TTC7B: variants seen among roughly 807,000 people sequenced by gnomAD.
TTC7B encodes the protein tetratricopeptide repeat protein 7B.
TTC7B carries 28 observed loss-of-function variants against 106.8 expected under a neutral mutation model. The ratio of observed to expected loss-of-function variants is 0.26; its 90% confidence interval spans 0.19 to 0.36. The LOEUF (loss-of-function observed/expected upper bound fraction) is 0.36. TTC7B is among the 10% of genes least tolerant of loss of function. The pLI, the probability that TTC7B is intolerant of heterozygous loss-of-function variation, is 1.00. For missense variants in TTC7B, 862 were observed against 1,076.4 expected, an observed-to-expected ratio of 0.80 and a Z score of 2.79; for synonymous variants, 405 against 430.6, an observed-to-expected ratio of 0.94 and a Z score of 0.74.
chr14:90,799,628 C>A (rs1207549202), intron 1 of TTC7B, among the ~76,000 whole-genome samples: 1 of 152,008 alleles, frequency 6.6e-6, no homozygotes, highest in Non-Finnish European at 1.5e-5. Context: ...CTGGAAAGGC[C>A]CCGAGGTGTG....
At chr14:90,560,100 C>T (rs1030788624) in intron 19 of TTC7B, among the ~76,000 whole-genome samples, 6 of 152,240 alleles carry the variant, frequency 3.9e-5, no homozygotes, top group Admixed American at 1.3e-4. Flanking sequence ...TGCCAATGTC[C>T]GGTGCTCTCC....
intron 4 of TTC7B, among the ~76,000 whole-genome samples, chr14:90,737,546 G>GTTTTTTTTTTT (rs71461922): frequency 2.2e-5 from 2 of 91,770 alleles, no homozygotes; most frequent in East Asian, 3.3e-4. Context: ...GTATGATTCT[G>GTTTTTTTTTTT]TTTTTTTTTT....
intron 6 of TTC7B, among the ~76,000 whole-genome samples, chr14:90,692,266 G>C (rs1412959394): frequency 6.6e-6 from 1 of 152,040 alleles, no homozygotes; most frequent in Non-Finnish European, 1.5e-5. Context: ...GGAGTGCAGT[G>C]GTGCAATCAC....
At chr14:90,601,898 G>A (rs977163588) in intron 17 of TTC7B, 11 of 309,642 alleles carry the variant, frequency 3.6e-5, no homozygotes, top group Admixed American at 2.6e-4. Flanking sequence ...AGGGCGATGC[G>A]GCGAGTTGCC....
At chr14:90,677,901 C>G (rs1671517324) in intron 8 of TTC7B, 1 of 437,174 alleles carries the variant, frequency 2.3e-6, no homozygotes, top group Admixed American at 2.7e-5. Context: ...AGTGAGTCAT[C>G]TCTTACGGAA....
intron 19 of TTC7B, among the ~76,000 whole-genome samples, chr14:90,544,971 C>T (rs907206464): frequency 5.3e-5 from 8 of 152,218 alleles, no homozygotes; most frequent in Non-Finnish European, 7.3e-5. Context: ...GCATCAGCCC[C>T]GTGCTGTTTT....
At chr14:90,658,114 C>T (rs898546503) in intron 10 of TTC7B, 190 bp downstream of exon 10, 6 of 587,234 alleles carry the variant, frequency 1.0e-5, no homozygotes, top group Admixed American at 6.1e-5. Context: ...TTTTTCTTCT[C>T]AGTGATAAGT....
chr14:90,668,866 A>C, intron 9 of TTC7B, among the ~76,000 whole-genome samples: 1 of 147,462 alleles, frequency 6.8e-6, no homozygotes, highest in Non-Finnish European at 1.5e-5. Context: ...CAGTAATGGA[A>C]AAGCCAATCC....
Position 90,600,401 on chromosome 14 carries a change from G to A in TTC7B, c.1967-6775C>T, listed in dbSNP as rs140370484. 6.6e-5 allele frequency among the ~76,000 whole-genome samples: 10 copies of A among 152,276 alleles called. No homozygotes were observed. Among genetic ancestry groups the A allele is most frequent in the African/African-American group, 1.4e-4 (6 of 41,560 alleles). ...CCAGTGTGACAGCAGGGGCGGGGCC[G>A]CTGCCCACCCAGTCCCACCAACCAT... On this transcript the variant is annotated intron_variant, in intron 17 of 19. Transcript: ENST00000328459. The surrounding 1 kb of genome is among the most constrained non-coding windows in gnomAD (Gnocchi z 4.3).
rs757280666 is a variant in TTC7B, at chr14:90,610,743, T to G, written c.1965A>C (p.Thr655=). The G allele has an allele frequency of 6.2e-7, 1 of 1,610,522 alleles. No homozygotes were observed. Among genetic ancestry groups the G allele is most frequent in the Admixed American group, 1.7e-5 (1 of 59,992 alleles). The change falls in exon 17 of 20, where the codon ACA becomes ACC. Residue 655 remains threonine, a splice_region_variant and synonymous_variant. Transcript: ENST00000328459. ...ITLPDFSDPE[T]GSVHATSVAA... ...TCCCCTCTGGCTTTTTATTCTCACC[T>G]GTCTCGGGATCGCTGAAGTCTGGCA...
At chr14:90,733,347 G>GACTCCAC (rs1889397671) in intron 4 of TTC7B, among the ~76,000 whole-genome samples, 1 of 152,080 alleles carries the variant, frequency 6.6e-6, no homozygotes, top group Admixed American at 6.5e-5. Context: ...AGATCCCCCT[G>GACTCCAC]ACTCCACAGC....
chr14:90,546,261 A>G (rs375387217), intron 19 of TTC7B, among the ~76,000 whole-genome samples: 1 of 152,238 alleles, frequency 6.6e-6, no homozygotes, highest in Non-Finnish European at 1.5e-5. Context: ...AGTGCTGGCC[A>G]GGGACCTTCC....
At chr14:90,669,962 G>T (rs1484556379) in intron 9 of TTC7B, among the ~76,000 whole-genome samples, 2 of 152,206 alleles carry the variant, frequency 1.3e-5, no homozygotes, top group African/African-American at 4.8e-5. Flanking sequence ...AAGGAACTCG[G>T]AAAACATGCT....
rs964634477 is a variant in TTC7B, at chr14:90,694,693, A to G, written c.777+807T>C. 2.1e-5 allele frequency among the ~76,000 whole-genome samples: 3 copies of G among 143,094 alleles called. 1 individual carries two copies. The Admixed American group carries it at 2.1e-4, about 10-fold the overall frequency. The allele number at this position is 143,094 out of a possible 152,430, so 93.9% of individuals were successfully genotyped here. On this transcript the variant is annotated intron_variant, in intron 6 of 19. Transcript: ENST00000328459. ...TATATGTATATTTTTATTTTATTAT[A>G]AAATATATTTTATTTTATTATAAAA...
intron 15 of TTC7B, among the ~76,000 whole-genome samples, chr14:90,632,013 A>C (rs895273941): frequency 1.3e-5 from 2 of 152,134 alleles, no homozygotes; most frequent in African/African-American, 4.8e-5. Context: ...GTTGATTTTA[A>C]ATAAGCTACT....
At chr14:90,564,330 T>C (rs149581592) in intron 19 of TTC7B, among the ~76,000 whole-genome samples, 2 of 152,146 alleles carry the variant, frequency 1.3e-5, no homozygotes, top group African/African-American at 4.8e-5. Flanking sequence ...GGGCATAAAA[T>C]AGTCATTGAA....
rs1008929472 is a variant in TTC7B, at chr14:90,805,882, C to A, written c.121+10293G>T. 1.3e-5 allele frequency among the ~76,000 whole-genome samples: 2 copies of A among 152,230 alleles called. No homozygotes were observed. The highest frequency in any genetic ancestry group is 2.9e-5 in the Non-Finnish European group (2 of 68,038). On this transcript the variant is annotated intron_variant, in intron 1 of 19. Transcript: ENST00000328459. The surrounding 1 kb of genome is among the most constrained non-coding windows in gnomAD (Gnocchi z 4.0). ...GGGGCACTTGGCCTCCTTGATCCCC[C>A]GGGGAAGGTGGGGCTGTGGCCTTTG...
Position 90,644,162 on chromosome 14 carries a change from C to T in TTC7B, c.1637G>A (p.Gly546Asp), listed in dbSNP as rs1885319918. 6.2e-7 allele frequency: 1 copy of T among 1,612,938 alleles called. No homozygotes were observed. The highest frequency in any genetic ancestry group is 1.1e-5 in the South Asian group (1 of 90,962). Residue 546 changes from glycine to aspartate, a missense_variant, in exon 15 of 20, where the codon GGT becomes GAT. Gly to Asp is a moderately conservative substitution (Grantham distance 94). Coordinates refer to ENST00000328459, the MANE Select transcript of TTC7B (RefSeq NM_001010854.2). ...GAGGTGCAGGGAGTTGGCATCGTCACCTTGAAGCTGAAGAGCTTGGCGGAC... is the reference window on the plus strand; with the variant it reads ...GAGGTGCAGGGAGTTGGCATCGTCATCTTGAAGCTGAAGAGCTTGGCGGAC... ...GYVRQALQLQ[G>D]DDANSLHLLA...
intron 5 of TTC7B, among the ~76,000 whole-genome samples, chr14:90,706,580 G>GA (rs767965134): frequency 7.9e-5 from 12 of 152,152 alleles, no homozygotes; most frequent in Admixed American, 6.6e-4. Context: ...TACTGAATTA[G>GA]AACTCATGAA....
Sources: allele counts gnomAD v4.1 joint callset (sites outside exome capture counted in the v4.1 genomes callset), GRCh38; gene constraint gnomAD v4.1.1; non-coding constraint Gnocchi (gnomAD v3.1); transcripts MANE v1.5; gene names NCBI Gene and HGNC (gene_info 2026-07-23, HGNC 2026-07-21).